The following AMN1 variants were observed in gnomAD, a reference collection of about 807,000 sequenced individuals.
The protein encoded by AMN1 is antagonist of mitotic exit network 1 homolog.
Under a neutral mutation model 33.0 loss-of-function variants are expected in AMN1, and 20 were observed. The ratio of observed to expected loss-of-function variants is 0.61; its 90% CI spans 0.43 to 0.88. The LOEUF (loss-of-function observed/expected upper bound fraction) is 0.88. Ranked by LOEUF, AMN1 falls within the 40% of genes least tolerant of loss-of-function variation. The pLI is 0.00. For synonymous variants in AMN1, 114 were observed against 111.9 expected (o/e 1.02, Z -0.12); for missense variants, 246 against 307.4 (o/e 0.80, Z 1.49).
chr12:31,700,241 C>T lies in AMN1; in HGVS notation c.316+1622G>A, dbSNP rs1242820620. On this transcript the variant is annotated intron_variant, in intron 3 of 6. Transcript: ENST00000281471. Reference sequence around the variant, plus strand: ...CGCAGTGGGTGGTGGTGCACATCTGCGGTCCCAGCTACTTGGGAGGCTGAG... The same window carrying T: ...CGCAGTGGGTGGTGGTGCACATCTGTGGTCCCAGCTACTTGGGAGGCTGAG... Among the ~76,000 whole-genome samples, 7 of 151,468 alleles carry T rather than the reference C, an allele frequency of 4.6e-5. No homozygotes were observed. In the South Asian group the frequency reaches 8.4e-4, roughly 18 times the overall value.
In AMN1 at chr12:31,701,881, C is replaced by T. The variant is rs371094062; in HGVS notation, c.298G>A (p.Val100Ile). The change falls in exon 3 of 7, where the codon GTT (valine) becomes ATT (isoleucine). Residue 100 changes from valine to isoleucine, a missense_variant. Transcript: ENST00000281471. Reference sequence around the variant, plus strand: ...AACATACCTTCTGAAGTTACAGAAACTCGGTTCCCTTTTGAAGCATTTAAA... The same window carrying T: ...AACATACCTTCTGAAGTTACAGAAATTCGGTTCCCTTTTGAAGCATTTAAA... ...LNLNASKGNRVSVTSEGIKAV... is the reference protein window; with the variant it reads ...LNLNASKGNRISVTSEGIKAV... The T allele has an allele frequency of 2.9e-5, 46 of 1,601,824 alleles. No homozygotes were observed. Among genetic ancestry groups the T allele is most frequent in the Non-Finnish European group, 3.8e-5 (45 of 1,177,090 alleles).
chr12:31,712,932 G>A (rs1939525383), intron 1 of AMN1, among the ~76,000 whole-genome samples: 1 of 152,242 alleles, frequency 6.6e-6, no homozygotes, highest in Admixed American at 6.5e-5. Context: ...GGGATTACAG[G>A]TGTGAGCCAC....
chr12:31,709,543 G>C (rs905686940), intron 1 of AMN1, 118 bp from the exon 2 acceptor site: 1 of 1,283,524 alleles, frequency 7.8e-7, no homozygotes, highest in African/African-American at 1.5e-5. Flanking sequence ...TTTTGGCTGG[G>C]TGTGGTGGCT....
At chr12:31,722,055 G>T (rs1448426302) in intron 1 of AMN1, among the ~76,000 whole-genome samples, 2 of 151,556 alleles carry the variant, frequency 1.3e-5, no homozygotes, top group African/African-American at 4.9e-5. Context: ...AGCCTGTTTT[G>T]TCTCAGTGAA....
At chr12:31,710,697 T>C (rs961887415) in intron 1 of AMN1, among the ~76,000 whole-genome samples, 6 of 152,124 alleles carry the variant, frequency 3.9e-5, no homozygotes, top group Non-Finnish European at 8.8e-5. Flanking sequence ...CTTCAAGGCA[T>C]CCGACACAGT....
chr12:31,681,259 G>A (rs540873433), intron 6 of AMN1, among the ~76,000 whole-genome samples: 5 of 151,832 alleles, frequency 3.3e-5, no homozygotes, highest in East Asian at 1.9e-4. Flanking sequence ...ACGAAGTTTC[G>A]CTCTTGTTGC....
chr12:31,693,094 G>A (rs569644896), intron 5 of AMN1, among the ~76,000 whole-genome samples: 7 of 152,040 alleles, frequency 4.6e-5, no homozygotes, highest in East Asian at 3.9e-4. Context: ...TTTGAGACAC[G>A]GTCTCACTCT....
At chr12:31,703,236 C>T (rs1045097766) in intron 2 of AMN1, among the ~76,000 whole-genome samples, 6 of 152,128 alleles carry the variant, frequency 3.9e-5, no homozygotes, top group African/African-American at 1.4e-4. Flanking sequence ...CAAAGCCTAA[C>T]CTTTTAACCT....
chr12:31,718,360 T>C (rs541963812), intron 1 of AMN1, among the ~76,000 whole-genome samples: 15 of 152,272 alleles, frequency 9.9e-5, no homozygotes, highest in East Asian at 7.7e-4. Flanking sequence ...GGTTAGAACA[T>C]GCTTCTTTAG....
chr12:31,675,696 A>G (rs900080402), intron 6 of AMN1, among the ~76,000 whole-genome samples: 2 of 151,716 alleles, frequency 1.3e-5, no homozygotes, highest in East Asian at 3.9e-4. Flanking sequence ...GGGTTTAACC[A>G]TGCTGGCCAG....
intron 1 of AMN1, among the ~76,000 whole-genome samples, chr12:31,728,436 A>G (rs1300184769): frequency 6.6e-6 from 1 of 152,158 alleles, no homozygotes; most frequent in Non-Finnish European, 1.5e-5. Context: ...TAGATAAAGA[A>G]CCTAGGCACA....
intron 1 of AMN1, among the ~76,000 whole-genome samples, chr12:31,716,956 C>G (rs1194249442): frequency 2.0e-5 from 3 of 152,184 alleles, no homozygotes; most frequent in Non-Finnish European, 4.4e-5. Flanking sequence ...TACAAGAATT[C>G]ACTAAGTTTA....
chr12:31,677,960 C>A (rs1192139378), intron 6 of AMN1, among the ~76,000 whole-genome samples: 1 of 152,146 alleles, frequency 6.6e-6, no homozygotes, highest in Non-Finnish European at 1.5e-5. Flanking sequence ...CCGCCCTATA[C>A]CCTGGAAAAA....
At chr12:31,713,656 C>G (rs1394349541) in intron 1 of AMN1, among the ~76,000 whole-genome samples, 1 of 152,100 alleles carries the variant, frequency 6.6e-6, no homozygotes, top group Non-Finnish European at 1.5e-5. Context: ...GCCTGGGAAA[C>G]ATGGCAAAAC....
intron 1 of AMN1, among the ~76,000 whole-genome samples, chr12:31,728,562 C>A (rs558917609): frequency 6.6e-6 from 1 of 152,310 alleles, no homozygotes; most frequent in East Asian, 1.9e-4. Context: ...TTACCTTTAT[C>A]CCAGGGTCTG....
chr12:31,709,097 T>C, intron 2 of AMN1, 196 bp downstream of exon 2: 1 of 649,582 alleles, frequency 1.5e-6, no homozygotes, highest in Non-Finnish European at 2.8e-6. Flanking sequence ...ATCACCTAAG[T>C]CCAGGCAGCG....
intron 6 of AMN1, among the ~76,000 whole-genome samples, chr12:31,682,425 C>T (rs1406152000): frequency 1.4e-5 from 2 of 144,916 alleles, no homozygotes; most frequent in Non-Finnish European, 3.0e-5. Flanking sequence ...GCGGCCACTA[C>T]TCAGAAGGGG....
Position 31,671,237 on chromosome 12 carries a change from T to C in AMN1, c.*1067A>G, listed in dbSNP as rs1268561713. On this transcript the variant is annotated 3_prime_UTR_variant, in exon 7 of 7. Coordinates refer to ENST00000281471, the MANE Select transcript of AMN1 (RefSeq NM_001113402.2). ...TACCCATTTTGCACATATATACATA[T>C]GCACCACCTTTGCAGTGGCAACATA... 6.6e-6 allele frequency: 1 copy of C among 152,216 alleles called. No homozygotes were observed. The highest frequency in any genetic ancestry group is 6.5e-5 in the Admixed American group (1 of 15,272). The allele number at this position is 152,216 out of a possible 1,614,324, so 9.4% of individuals were successfully genotyped here.
rs1261166195 is a variant in AMN1, at chr12:31,683,309, A to T, written c.703+5698T>A. ...CTGCAAATGTTGAAGTTGACTGATA[A>T]TTTTTCTTTACCATAAAGCAGTGGT... On this transcript the variant is annotated intron_variant, in intron 6 of 6. Transcript: ENST00000281471. This position sits in a 1 kb window ranked among gnomAD's most constrained non-coding sequence, Gnocchi z 4.1. 6.6e-6 allele frequency among the ~76,000 whole-genome samples: 1 copy of T among 152,136 alleles called. No individual in the cohort carries two copies. Among genetic ancestry groups the T allele is most frequent in the African/African-American group, 2.4e-5 (1 of 41,418 alleles).
Sources: gnomAD v4.1 joint callset for allele counts (sites outside exome capture counted in the v4.1 genomes callset) on GRCh38, gnomAD v4.1.1 for gene constraint, Gnocchi (gnomAD v3.1) non-coding constraint, MANE v1.5 for transcripts, NCBI Gene and HGNC (gene_info 2026-07-23, HGNC 2026-07-21) for gene names.